Variants in PEX3 observed in about 807,000 individuals in gnomAD.
PEX3 encodes the protein peroxisomal biogenesis factor 3.
A neutral mutation model predicts 55.8 loss-of-function variants in PEX3; 30 were observed. The ratio of observed to expected loss-of-function variants is 0.54; its 90% CI spans 0.40 to 0.73. The LOEUF (loss-of-function observed/expected upper bound fraction) is 0.73, where lower values mean the gene tolerates loss of function less well. PEX3 is among the 30% of genes least tolerant of loss of function. The pLI, the probability that PEX3 is intolerant of heterozygous loss-of-function variation, is 0.00. For synonymous variants in PEX3, 135 were observed against 148.4 expected, an observed-to-expected ratio of 0.91 and a Z score of 0.66; for missense variants, 351 against 432.8, an observed-to-expected ratio of 0.81 and a Z score of 1.68.
Position 143,489,318 on chromosome 6 carries a change from A to C in PEX3, c.*92A>C, listed in dbSNP as rs1286392907. 45 of 752,604 alleles carry C rather than the reference A, an allele frequency of 6.0e-5. No individual in the cohort carries two copies. The Admixed American group carries it at 7.3e-4, about 12-fold the overall frequency. 46.6% of individuals were successfully genotyped at this position (752,604 alleles called of 1,614,324 possible). A position where few individuals can be genotyped will look rare whatever the true frequency, so the allele number is the denominator to read the frequency against. On this transcript the variant is annotated 3_prime_UTR_variant, in exon 12 of 12. Transcript: ENST00000367591. This position sits in a 1 kb window ranked among gnomAD's most constrained non-coding sequence, Gnocchi z 5.5. ...ATACTTAGAGTAACAGTTTGTTATC[A>C]AAATGCCTGATAAAATATATTCTTA...
Position 143,462,491 on chromosome 6 carries a change from G to A in PEX3, c.206-425G>A, listed in dbSNP as rs1287107580. Among the ~76,000 whole-genome samples the A allele has an allele frequency of 6.6e-6, 1 of 151,790 alleles. No homozygotes were observed. Among genetic ancestry groups the A allele is most frequent in the Non-Finnish European group, 1.5e-5 (1 of 67,960 alleles). On this transcript the variant is annotated intron_variant, in intron 2 of 11. Coordinates refer to ENST00000367591, the MANE Select transcript of PEX3 (RefSeq NM_003630.3). This position sits in a 1 kb window ranked among gnomAD's most constrained non-coding sequence, Gnocchi z 4.1. The stretch of plus-strand genomic sequence containing the variant: ...TTTAAAAATTAGAATGAAAAATGAA[G>A]GAAAAAGTATAGCTGAATATAAAAA...
At chr6:143,470,238 G>A (rs540415891) in intron 4 of PEX3, among the ~76,000 whole-genome samples, 5 of 152,234 alleles carry the variant, frequency 3.3e-5, no homozygotes, top group South Asian at 2.1e-4. Flanking sequence ...ATAAGCCACC[G>A]TGCCTAGCCT....
Position 143,485,045 on chromosome 6 carries a change from G to T in PEX3, c.942-107G>T, listed in dbSNP as rs2128748005. ...GTGGGGTTTTTTTTCCTTTTTAATAGATTTCCAAAAATATTCTACAATGGC... is the reference window on the plus strand; with the variant it reads ...GTGGGGTTTTTTTTCCTTTTTAATATATTTCCAAAAATATTCTACAATGGC... On this transcript the variant is annotated intron_variant, in intron 10 of 11. Coordinates refer to ENST00000367591, the MANE Select transcript of PEX3 (RefSeq NM_003630.3). The surrounding 1 kb of genome is among the most constrained non-coding windows in gnomAD (Gnocchi z 5.6). The T allele has an allele frequency of 1.4e-6, 1 of 740,648 alleles. No homozygotes were observed. Among genetic ancestry groups the T allele is most frequent in the Non-Finnish European group, 2.4e-6 (1 of 413,812 alleles). 45.9% of individuals were successfully genotyped at this position (740,648 alleles called of 1,614,324 possible).
In PEX3 at chr6:143,471,352, G is replaced by C. The variant is rs751333722; in HGVS notation, c.457-31G>C. The C allele has an allele frequency of 6.8e-7, 1 of 1,475,714 alleles. No individual in the cohort carries two copies. Among genetic ancestry groups the C allele is most frequent in the African/African-American group, 1.4e-5 (1 of 72,208 alleles). The allele number at this position is 1,475,714 out of a possible 1,614,324, so 91.4% of individuals were successfully genotyped here. Reference sequence around the variant, plus strand: ...TTCTTATTTACCAGTTTAAAACTTGGATAATTGAACTGTATTTCTGTTTTA... The same window carrying C: ...TTCTTATTTACCAGTTTAAAACTTGCATAATTGAACTGTATTTCTGTTTTA... On this transcript the variant is annotated intron_variant, in intron 5 of 11. Transcript: ENST00000367591. The surrounding 1 kb of genome is among the most constrained non-coding windows in gnomAD (Gnocchi z 5.4).
intron 10 of PEX3, among the ~76,000 whole-genome samples, chr6:143,480,221 C>G (rs1353134644): frequency 6.6e-6 from 1 of 152,108 alleles, no homozygotes; most frequent in Non-Finnish European, 1.5e-5. Context: ...AAATAAATTT[C>G]AGCTCAAGAC....
In PEX3 at chr6:143,453,356, GAAGT is replaced by G. The variant is rs914690354; in HGVS notation, c.73+2252_73+2255del. ...GAAGTTTGGGCATTCAATAGTGGGG[GAAGT>G]AAGTAAGTAAAACCTTGAGTAGCAG... On this transcript the variant is annotated intron_variant, in intron 1 of 11. Coordinates refer to ENST00000367591, the MANE Select transcript of PEX3 (RefSeq NM_003630.3). This position sits in a 1 kb window ranked among gnomAD's most constrained non-coding sequence, Gnocchi z 4.6. Among the ~76,000 whole-genome samples, 28 of 152,182 alleles carry G rather than the reference GAAGT, an allele frequency of 1.8e-4. No individual in the cohort carries two copies. The highest frequency in any genetic ancestry group is 6.8e-4 in the African/African-American group (28 of 41,446).
intron 1 of PEX3, among the ~76,000 whole-genome samples, chr6:143,456,556 T>C (rs558696322): frequency 6.6e-6 from 1 of 152,322 alleles, no homozygotes; most frequent in African/African-American, 2.4e-5. Flanking sequence ...TGGTTCCTTC[T>C]GCAGAGTGTA....
chr6:143,486,428 C>G lies in PEX3; in HGVS notation c.1038+1180C>G, dbSNP rs769258315. ...AATGCTTAAATAATTTTATGCACTA[C>G]ACTTTAATTAAAATCGATATAATTG... On this transcript the variant is annotated intron_variant, in intron 11 of 11. Coordinates refer to ENST00000367591, the MANE Select transcript of PEX3 (RefSeq NM_003630.3). This position sits in a 1 kb window ranked among gnomAD's most constrained non-coding sequence, Gnocchi z 5.0. 1.3e-5 allele frequency among the ~76,000 whole-genome samples: 2 copies of G among 152,038 alleles called. No homozygotes were observed. The highest frequency in any genetic ancestry group is 2.9e-5 in the Non-Finnish European group (2 of 67,968).
In PEX3 at chr6:143,451,026, A is replaced by T; in HGVS notation, c.-17A>T. Reference sequence around the variant, plus strand: ...AGTCCCTCACCCCTAGTCAGCCCACACCCCTAGGGCCTAAAGATGCTGAGG... The same window carrying T: ...AGTCCCTCACCCCTAGTCAGCCCACTCCCCTAGGGCCTAAAGATGCTGAGG... On this transcript the variant is annotated 5_prime_UTR_variant, in exon 1 of 12. Coordinates refer to ENST00000367591, the MANE Select transcript of PEX3 (RefSeq NM_003630.3). The surrounding 1 kb of genome is among the most constrained non-coding windows in gnomAD (Gnocchi z 4.1). 1.3e-6 allele frequency: 2 copies of T among 1,595,594 alleles called. No individual in the cohort carries two copies.
Position 143,483,124 on chromosome 6 carries a change from T to G in PEX3, c.942-2028T>G, listed in dbSNP as rs1353558886. On this transcript the variant is annotated intron_variant, in intron 10 of 11. Coordinates refer to ENST00000367591, the MANE Select transcript of PEX3 (RefSeq NM_003630.3). The surrounding 1 kb of genome is among the most constrained non-coding windows in gnomAD (Gnocchi z 4.3). ...CAAACACCTAAGGAAAGAAAAATTT[T>G]CTTTCTTAGAAAATGTGCATCAAAG... is the stretch of plus-strand genomic sequence containing the variant. Among the ~76,000 whole-genome samples the G allele has an allele frequency of 6.6e-6, 1 of 152,168 alleles. No homozygotes were observed. The highest frequency in any genetic ancestry group is 1.5e-5 in the Non-Finnish European group (1 of 68,026).
rs1780355574 is a variant in PEX3 at position 143,489,316 on chromosome 6, T to C, written c.*90T>C. The C allele has an allele frequency of 1.3e-6, 1 of 759,346 alleles. No homozygotes were observed. Among genetic ancestry groups the C allele is most frequent in the Non-Finnish European group, 2.4e-6 (1 of 414,974 alleles). 47.0% of individuals were successfully genotyped at this position (759,346 alleles called of 1,614,324 possible). A position where few individuals can be genotyped will look rare whatever the true frequency, so the allele number is the denominator to read the frequency against. On this transcript the variant is annotated 3_prime_UTR_variant, in exon 12 of 12. Transcript: ENST00000367591. This position sits in a 1 kb window ranked among gnomAD's most constrained non-coding sequence, Gnocchi z 5.5. ...CTATACTTAGAGTAACAGTTTGTTATCAAAATGCCTGATAAAATATATTCT... is the reference window on the plus strand; with the variant it reads ...CTATACTTAGAGTAACAGTTTGTTACCAAAATGCCTGATAAAATATATTCT...
rs1352665721 is a variant in PEX3, at chr6:143,459,743, T to A, written c.205+527T>A. Among the ~76,000 whole-genome samples, 1 of 152,142 alleles carries A rather than the reference T, an allele frequency of 6.6e-6. No homozygotes were observed. Among genetic ancestry groups the A allele is most frequent in the Non-Finnish European group, 1.5e-5 (1 of 68,020 alleles). On this transcript the variant is annotated intron_variant, in intron 2 of 11. Coordinates refer to ENST00000367591, the MANE Select transcript of PEX3 (RefSeq NM_003630.3). This position sits in a 1 kb window ranked among gnomAD's most constrained non-coding sequence, Gnocchi z 4.2. ...AAAAGGCCATGTAGCTAGAGCAGAA[T>A]GAACAATGGCAGTGATAGGAAACAA...
chr6:143,450,851 G>C lies in PEX3; in HGVS notation c.-192G>C. ...GGCGGCAGCGGCAGAAAGCGTAGCT[G>C]CTTTGCTGTAGTCCACGCCCCCTTG... On this transcript the variant is annotated 5_prime_UTR_variant, in exon 1 of 12. Coordinates refer to ENST00000367591, the MANE Select transcript of PEX3 (RefSeq NM_003630.3). 1.3e-6 allele frequency: 1 copy of C among 763,226 alleles called. No homozygotes were observed. The allele number at this position is 763,226 out of a possible 1,614,324, so 47.3% of individuals were successfully genotyped here. A position where few individuals can be genotyped will look rare whatever the true frequency, so the allele number is the denominator to read the frequency against.
chr6:143,459,341 T>C lies in PEX3; in HGVS notation c.205+125T>C. On this transcript the variant is annotated intron_variant, in intron 2 of 11. Coordinates refer to ENST00000367591, the MANE Select transcript of PEX3 (RefSeq NM_003630.3). This position sits in a 1 kb window ranked among gnomAD's most constrained non-coding sequence, Gnocchi z 4.2. ...ATGGTAAATCTAGCAAGTGTTTGAA[T>C]GATTTAACTGAATTACATCATTTTA... 2 of 791,194 alleles carry C rather than the reference T, an allele frequency of 2.5e-6. No homozygotes were observed. The highest frequency in any genetic ancestry group is 4.4e-6 in the Non-Finnish European group (2 of 457,004). 49.0% of individuals were successfully genotyped at this position (791,194 alleles called of 1,614,324 possible).
chr6:143,479,155 C>A lies in PEX3; in HGVS notation c.898C>A (p.Arg300=). The part of the protein sequence containing the change: ...RLLDNMAEFF[R]PTEQDLQHGN... ...TCTAGACAATATGGCTGAGTTCTTT[C>A]GACCTACTGAACAGGACCTGCAACA... The change falls in exon 10 of 12, where the codon CGA becomes AGA. Residue 300 remains arginine, a synonymous_variant. Coordinates refer to ENST00000367591, the MANE Select transcript of PEX3 (RefSeq NM_003630.3). The surrounding 1 kb of genome is among the most constrained non-coding windows in gnomAD (Gnocchi z 4.6). The A allele has an allele frequency of 1.2e-6, 2 of 1,603,662 alleles. No homozygotes were observed. Among genetic ancestry groups the A allele is most frequent in the Non-Finnish European group, 1.7e-6 (2 of 1,170,788 alleles).
At chr6:143,484,877 A>T (rs1190192013) in intron 10 of PEX3, 2 of 397,332 alleles carry the variant, frequency 5.0e-6, no homozygotes, top group African/African-American at 4.1e-5. Context: ...GAAAATACTC[A>T]TAACAATAAA....
Position 143,473,026 on chromosome 6 carries a change from G to A in PEX3, c.747+698G>A, listed in dbSNP as rs149594786. On this transcript the variant is annotated intron_variant, in intron 8 of 11. Transcript: ENST00000367591. ...TCATTTCCTAAATTAGTAATTTTTC[G>A]TTTGTCTGCTGGTTTGCACTCATTC... is the stretch of plus-strand genomic sequence containing the variant. Among the ~76,000 whole-genome samples, 343 of 152,184 alleles carry A rather than the reference G, an allele frequency of 2.3e-3. 2 individuals carry two copies. Among genetic ancestry groups the A allele is most frequent in the Non-Finnish European group, 4.0e-3 (273 of 68,000 alleles).
At chr6:143,470,915 A>C in intron 4 of PEX3, 46 bp from the exon 5 acceptor site, 1 of 1,568,634 alleles carries the variant, frequency 6.4e-7, no homozygotes, top group Non-Finnish European at 8.8e-7. Context: ...GATTTTACAC[A>C]TTTGTATTAA....
Position 143,466,928 on chromosome 6 carries a change from AAATATTT to A in PEX3, c.288-1187_288-1181del, listed in dbSNP as rs1277842124. 1.3e-5 allele frequency among the ~76,000 whole-genome samples: 2 copies of A among 152,020 alleles called. No homozygotes were observed. Among genetic ancestry groups the A allele is most frequent in the Non-Finnish European group, 2.9e-5 (2 of 67,928 alleles). ...TATAAATTTGACTTGGGAACCATAT[AAATATTT>A]AATATTATAAAACTATAGTGTTTAA... On this transcript the variant is annotated intron_variant, in intron 3 of 11. Transcript: ENST00000367591. The surrounding 1 kb of genome is among the most constrained non-coding windows in gnomAD (Gnocchi z 5.4).
Sources: allele counts gnomAD v4.1 joint callset (sites outside exome capture counted in the v4.1 genomes callset), GRCh38; gene constraint gnomAD v4.1.1; non-coding constraint Gnocchi (gnomAD v3.1); transcripts MANE v1.5; gene names NCBI Gene and HGNC (gene_info 2026-07-23, HGNC 2026-07-21).